CSMD3: variants seen among roughly 807,000 people sequenced by gnomAD.
CSMD3 encodes the protein CUB and sushi domain-containing protein 3.
A neutral mutation model predicts 435.2 loss-of-function variants in CSMD3; 177 were observed. That is an observed-to-expected ratio of 0.41 (90% CI 0.36 to 0.46). The LOEUF is 0.46. Ranked by LOEUF, CSMD3 falls within the 20% of genes least tolerant of loss-of-function variation. CSMD3 has a pLI of 0.34. For missense variants in CSMD3, 4,265 were observed against 4,504.6 expected, an observed-to-expected ratio of 0.95 and a Z score of 1.52; for synonymous variants, 1,656 against 1,520.5, an observed-to-expected ratio of 1.09 and a Z score of -2.07.
At chr8:112,302,559 CT>C (rs1219851273) in intron 52 of CSMD3, among the ~76,000 whole-genome samples, 1 of 152,026 alleles carries the variant, frequency 6.6e-6, no homozygotes, top group Non-Finnish European at 1.5e-5. Context: ...TATAGCATCT[CT>C]TATGACTTCT....
chr8:112,673,273 A>T (rs1486100545), intron 16 of CSMD3, among the ~76,000 whole-genome samples: 1 of 151,990 alleles, frequency 6.6e-6, no homozygotes, highest in Non-Finnish European at 1.5e-5. Flanking sequence ...AAAAAATTAC[A>T]ATGAACAAGT....
Position 113,019,045 on chromosome 8 carries a change from C to A in CSMD3, c.1030+22G>T, listed in dbSNP as rs1351545504. 7 of 1,387,048 alleles carry A rather than the reference C, an allele frequency of 5.0e-6. 1 individual carries two copies. The highest frequency in any genetic ancestry group is 3.5e-5 in the South Asian group (3 of 86,624). 85.9% of individuals were successfully genotyped at this position (1,387,048 alleles called of 1,614,324 possible). A position where few individuals can be genotyped will look rare whatever the true frequency, so the allele number is the denominator to read the frequency against. On this transcript the variant is annotated intron_variant, in intron 6 of 70. Transcript: ENST00000297405. ...AAATTATTTTACATATCAAAAGAGG[C>A]AAAGGTATTCCATAAGTATACCTTG...
chr8:113,020,025 C>T (rs10113634), intron 5 of CSMD3, among the ~76,000 whole-genome samples: 82,387 of 149,506 alleles, frequency 0.55, 23,906 homozygotes, highest in East Asian at 0.95. Context: ...TAGCCGGGCG[C>T]GGTGGCGGGC....
intron 30 of CSMD3, among the ~76,000 whole-genome samples, chr8:112,495,233 T>C (rs1821219757): frequency 6.6e-6 from 1 of 152,222 alleles, no homozygotes; most frequent in Non-Finnish European, 1.5e-5. Flanking sequence ...CATTTATAGC[T>C]GGGCTTCGTA....
chr8:112,511,138 G>T (rs1355719828), intron 28 of CSMD3, among the ~76,000 whole-genome samples: 1 of 152,026 alleles, frequency 6.6e-6, no homozygotes, highest in Non-Finnish European at 1.5e-5. Context: ...TGGTTTCCAA[G>T]TCCATATAAA....
At chr8:112,638,670 AG>A (rs2074732781) in intron 21 of CSMD3, 25 bp downstream of exon 21, 1 of 1,339,408 alleles carries the variant, frequency 7.5e-7, no homozygotes, top group Non-Finnish European at 1.1e-6. Context: ...TTACTGAATG[AG>A]CCCTTTTGTT....
At chr8:113,092,113 C>T (rs1209139169) in intron 5 of CSMD3, among the ~76,000 whole-genome samples, 2 of 151,952 alleles carry the variant, frequency 1.3e-5, no homozygotes. Flanking sequence ...TGTAGAGCTT[C>T]GAAATCAATT....
At chr8:112,533,540 A>C (rs1384636126) in intron 27 of CSMD3, among the ~76,000 whole-genome samples, 1 of 152,096 alleles carries the variant, frequency 6.6e-6, no homozygotes, top group East Asian at 1.9e-4. Flanking sequence ...TGTAATAATG[A>C]AGGGGTCCAT....
chr8:113,163,298 C>T (rs2092080720), intron 4 of CSMD3, among the ~76,000 whole-genome samples: 1 of 151,888 alleles, frequency 6.6e-6, no homozygotes, highest in South Asian at 2.1e-4. Context: ...TCAATGACCT[C>T]ATCTCCGTTG....
chr8:112,446,971 T>C (rs921769120), intron 32 of CSMD3, among the ~76,000 whole-genome samples: 2 of 152,174 alleles, frequency 1.3e-5, no homozygotes, highest in African/African-American at 4.8e-5. Context: ...GTTCTATTGA[T>C]TGAGGTTGTT....
At chr8:113,235,401 C>G (rs2093136657) in intron 3 of CSMD3, among the ~76,000 whole-genome samples, 1 of 152,118 alleles carries the variant, frequency 6.6e-6, no homozygotes, top group Non-Finnish European at 1.5e-5. Flanking sequence ...CACCAATATT[C>G]CATAGTCATA....
intron 5 of CSMD3, among the ~76,000 whole-genome samples, chr8:113,066,581 A>T (rs1272400093): frequency 6.6e-6 from 1 of 152,122 alleles, no homozygotes; most frequent in African/African-American, 2.4e-5. Context: ...AGCTCTCAAT[A>T]CATCAGAGAA....
intron 4 of CSMD3, among the ~76,000 whole-genome samples, chr8:113,137,870 T>C (rs1272615842): frequency 2.0e-5 from 3 of 151,516 alleles, no homozygotes; most frequent in Middle Eastern, 6.3e-3. Context: ...TAACACTCAG[T>C]TTCTTATTGG....
intron 3 of CSMD3, among the ~76,000 whole-genome samples, chr8:113,200,667 A>C (rs1051989113): frequency 1.3e-5 from 2 of 151,046 alleles, no homozygotes; most frequent in African/African-American, 4.8e-5. Context: ...GTAAGTGTAG[A>C]AATAGATTTG....
At chr8:112,886,905 A>C (rs13273103) in intron 10 of CSMD3, among the ~76,000 whole-genome samples, 1 of 151,562 alleles carries the variant, frequency 6.6e-6, no homozygotes, top group Non-Finnish European at 1.5e-5. Context: ...TATTATTTTT[A>C]TTATTACATA....
intron 1 of CSMD3, among the ~76,000 whole-genome samples, chr8:113,371,059 C>G (rs1482364528): frequency 6.6e-6 from 1 of 151,996 alleles, no homozygotes. Flanking sequence ...ATACTCTCTA[C>G]TTTTGCATAT....
intron 69 of CSMD3, among the ~76,000 whole-genome samples, 200 bp from the exon 70 acceptor site, chr8:112,229,091 G>A (rs1812841197): frequency 6.6e-6 from 1 of 152,092 alleles, no homozygotes; most frequent in Admixed American, 6.5e-5. Flanking sequence ...TTCCAGGAAA[G>A]GGTACAGACA....
chr8:112,281,252 C>T lies in CSMD3; in HGVS notation c.9430G>A (p.Gly3144Arg), dbSNP rs760385361. The change falls in exon 59 of 71, where the codon GGA (glycine) becomes AGA (arginine). Residue 3144 changes from glycine (G) to arginine (R), a missense_variant. By Grantham distance (125) the Gly-to-Arg change is moderately radical. Transcript: ENST00000297405. ...ACTGAAGGTCCAGAAAGGATGTATCCCTCCATGCAGGAATAAATGACTGAA... is the reference window on the plus strand; with the variant it reads ...ACTGAAGGTCCAGAAAGGATGTATCTCTCCATGCAGGAATAAATGACTGAA... The part of the protein sequence containing the change: ...SSSVIYSCME[G>R]YILSGPSVRQ... The T allele has an allele frequency of 2.4e-5, 39 of 1,613,132 alleles. No individual in the cohort carries two copies. The highest frequency in any genetic ancestry group is 3.1e-5 in the Non-Finnish European group (36 of 1,179,414).
intron 32 of CSMD3, among the ~76,000 whole-genome samples, chr8:112,433,119 A>C (rs1813894236): frequency 6.6e-6 from 1 of 152,156 alleles, no homozygotes. Flanking sequence ...CAGGCTAATC[A>C]GTTCAAACAG....
Sources: gnomAD v4.1 joint callset for allele counts (sites outside exome capture counted in the v4.1 genomes callset) on GRCh38, gnomAD v4.1.1 for gene constraint, MANE v1.5 for transcripts, NCBI Gene and HGNC (gene_info 2026-07-23, HGNC 2026-07-21) for gene names.